The following ADH6 variants were observed in gnomAD, a reference collection of about 807,000 sequenced individuals.
ADH6 encodes alcohol dehydrogenase 6.
Under a neutral mutation model 36.5 loss-of-function variants are expected in ADH6, and 34 were observed. That is an observed-to-expected ratio of 0.93 (90% CI 0.71 to 1.24). The LOEUF (loss-of-function observed/expected upper bound fraction) is 1.24, where lower values mean the gene tolerates loss of function less well. ADH6 is among the 50% of genes most tolerant of loss of function. The probability of loss-of-function intolerance (pLI) is 0.00; values close to 1 mark genes in which losing one functional copy is unlikely to be tolerated. For missense variants in ADH6, 440 were observed against 447.0 expected (o/e 0.98, Z 0.14); for synonymous variants, 161 against 155.5 (o/e 1.04, Z -0.26).
chr4:99,206,660 C>A (rs534576810), intron 7 of ADH6, among the ~76,000 whole-genome samples: 46 of 151,790 alleles, frequency 3.0e-4, no homozygotes, highest in African/African-American at 1.1e-3. Flanking sequence ...GCTGCCATAG[C>A]TTACTTGGGG....
intron 1 of ADH6, among the ~76,000 whole-genome samples, chr4:99,218,804 C>G (rs1477835801): frequency 6.6e-6 from 1 of 152,168 alleles, no homozygotes; most frequent in Non-Finnish European, 1.5e-5. Context: ...GGCTCCCATT[C>G]TCTTTCTACT....
In ADH6 at chr4:99,203,910, G is replaced by A; in HGVS notation, c.*309C>T. The A allele has an allele frequency of 3.1e-6, 1 of 323,466 alleles. No individual in the cohort carries two copies. The highest frequency in any genetic ancestry group is 6.9e-5 in the South Asian group (1 of 14,426). The allele number at this position is 323,466 out of a possible 1,614,324, so 20.0% of individuals were successfully genotyped here. On this transcript the variant is annotated 3_prime_UTR_variant, in exon 9 of 9. Coordinates refer to ENST00000394899, the MANE Select transcript of ADH6 (RefSeq NM_001102470.2). ...ACAAGAATATAAAGGTCCACAGGTA[G>A]AGGAACTATGAAAATGGGAGCATCT...
chr4:99,207,604 A>C, intron 6 of ADH6, 23 bp from the exon 7 acceptor site: 4 of 1,608,448 alleles, frequency 2.5e-6, no homozygotes, highest in Non-Finnish European at 3.4e-6. Flanking sequence ...GATGCAATAC[A>C]GTATAGGGGT....
At chr4:99,211,814 C>G (rs113978666) in intron 3 of ADH6, among the ~76,000 whole-genome samples, 56 of 152,166 alleles carry the variant, frequency 3.7e-4, no homozygotes, top group African/African-American at 1.2e-3. Context: ...GAAGGTGCCA[C>G]AGAAGAAGAA....
chr4:99,207,318 T>C, intron 7 of ADH6, 128 bp downstream of exon 7: 2 of 1,261,948 alleles, frequency 1.6e-6, no homozygotes, highest in Non-Finnish European at 2.2e-6. Flanking sequence ...GGTATTCATA[T>C]GTTGAAAAAA....
rs532155886 is a variant in ADH6 at position 99,208,866 on chromosome 4, C to T, written c.630G>A (p.Met210Ile). 145 of 1,613,742 alleles carry T rather than the reference C, an allele frequency of 9.0e-5. 2 individuals are homozygous for T. In the South Asian group the frequency reaches 1.5e-3, roughly 16 times the overall value. ...TGGCTGCTCCTGCTGCTTTACAACC[C>T]ATGACAACAGACAAGCCGACTCCTC... is the stretch of plus-strand genomic sequence containing the variant. Reference protein sequence around the residue: ...GLGGVGLSVVMGCKAAGAARI... With the variant: ...GLGGVGLSVVIGCKAAGAARI... Residue 210 changes from methionine to isoleucine, a missense_variant, in exon 6 of 9, where the codon ATG becomes ATA. Coordinates refer to ENST00000394899, the MANE Select transcript of ADH6 (RefSeq NM_001102470.2).
At chr4:99,217,181 GCCCA>G (rs1731468001) in intron 1 of ADH6, among the ~76,000 whole-genome samples, 1 of 151,944 alleles carries the variant, frequency 6.6e-6, no homozygotes, top group Admixed American at 6.6e-5. Flanking sequence ...GACTACAGGC[GCCCA>G]CCACCACGCC....
chr4:99,210,234 A>G lies in ADH6; in HGVS notation c.415T>C (p.Tyr139His). The change falls in exon 5 of 9, where the codon TAT (tyrosine) becomes CAT (histidine). Residue 139 changes from tyrosine to histidine, a missense_variant. Transcript: ENST00000394899. ...SRFTCKGKSIYHFGNTSTFCE... is the reference protein window; with the variant it reads ...SRFTCKGKSIHHFGNTSTFCE... ...AAGGTGCTGGTATTACCAAAGTGAT[A>G]TATTGATTTTCCCTTGCAGGTAAAC... The G allele has an allele frequency of 6.2e-7, 1 of 1,613,800 alleles. No homozygotes were observed. The highest frequency in any genetic ancestry group is 8.5e-7 in the Non-Finnish European group (1 of 1,179,870).
chr4:99,208,052 A>T (rs561069415), intron 6 of ADH6, among the ~76,000 whole-genome samples: 8 of 152,242 alleles, frequency 5.3e-5, no homozygotes, highest in African/African-American at 1.9e-4. Flanking sequence ...GTTTCTTCTT[A>T]CAGATAAAGG....
chr4:99,211,990 T>C (rs374160784), intron 3 of ADH6, among the ~76,000 whole-genome samples: 1 of 152,076 alleles, frequency 6.6e-6, no homozygotes, highest in African/African-American at 2.4e-5. Context: ...ATTTTGACCT[T>C]GAAACGTGAG....
Position 99,204,012 on chromosome 4 carries a change from C to G in ADH6, c.*207G>C. 1.8e-6 allele frequency: 1 copy of G among 545,932 alleles called. No individual in the cohort carries two copies. The highest frequency in any genetic ancestry group is 3.3e-5 in the East Asian group (1 of 30,440). 33.8% of individuals were successfully genotyped at this position (545,932 alleles called of 1,614,324 possible). A position where few individuals can be genotyped will look rare whatever the true frequency, so the allele number is the denominator to read the frequency against. On this transcript the variant is annotated 3_prime_UTR_variant, in exon 9 of 9. Transcript: ENST00000394899. ...CCTTAATCTAGCTCTGAAAAGGAGG[C>G]TGATCCTTGGTGACACTGGGTTACG...
At chr4:99,217,751 C>T (rs1481520056) in intron 1 of ADH6, among the ~76,000 whole-genome samples, 1 of 152,088 alleles carries the variant, frequency 6.6e-6, no homozygotes, top group Non-Finnish European at 1.5e-5. Flanking sequence ...TTGCAGGTGT[C>T]ATACTTTTTA....
rs200229133 is a variant in ADH6 at position 99,204,238 on chromosome 4, C to T, written c.1109G>A (p.Arg370His). Residue 370 changes from arginine (R) to histidine (H), a missense_variant, in exon 9 of 9, where the codon CGC becomes CAC. By Grantham distance (29) the Arg-to-His change is conservative (BLOSUM62 0). Transcript: ENST00000394899. ...TTGTACTTAAAGTAACAGGATACAG[C>T]GGATACTGAAAAAAAGAAGAAGAGA... ...VELMKTGKCI[R>H]CILLL The T allele has an allele frequency of 6.5e-5, 104 of 1,599,338 alleles. 1 individual carries two copies. The highest frequency in any genetic ancestry group is 2.0e-4 in the South Asian group (18 of 89,836).
chr4:99,217,084 G>T (rs1320934483), intron 1 of ADH6, among the ~76,000 whole-genome samples: 1 of 152,096 alleles, frequency 6.6e-6, no homozygotes, highest in Non-Finnish European at 1.5e-5. Context: ...TGCCCAGGCT[G>T]GAGTGCAGTA....
Position 99,219,225 on chromosome 4 carries a change from C to T in ADH6, c.-73G>A, listed in dbSNP as rs1407920897. ...GTAGCAACTTTCACTGTAGAAAGTACAAAGGTACACAGGCGACTGGTAGAT... is the reference window on the plus strand; with the variant it reads ...GTAGCAACTTTCACTGTAGAAAGTATAAAGGTACACAGGCGACTGGTAGAT... On this transcript the variant is annotated 5_prime_UTR_variant, in exon 1 of 9. Transcript: ENST00000394899. 2.9e-6 allele frequency: 4 copies of T among 1,377,826 alleles called. No individual in the cohort carries two copies. The highest frequency in any genetic ancestry group is 1.4e-5 in the African/African-American group (1 of 69,868). The allele number at this position is 1,377,826 out of a possible 1,614,324, so 85.4% of individuals were successfully genotyped here. A position where few individuals can be genotyped will look rare whatever the true frequency, so the allele number is the denominator to read the frequency against.
At position 99,213,731 on chromosome 4, in the gene ADH6, A is replaced by G. The variant is rs138253175; in HGVS notation, c.137T>C (p.Leu46Pro). The G allele has an allele frequency of 2.8e-5, 45 of 1,608,582 alleles. No homozygotes were observed. The African/African-American group carries it at 5.9e-4, about 21-fold the overall frequency. Residue 46 changes from leucine (L) to proline (P), a missense_variant, in exon 3 of 9, where the codon CTG becomes CCG. Leu to Pro is a moderately conservative substitution (Grantham distance 98). Transcript: ENST00000394899. ...CAACACTTTCATCTCTGTACCACAC[A>G]GTCCGGTGGCCACAACCTGTATGGA... ...EVRIKVVATG[L>P]CGTEMKVLGS...
chr4:99,209,150 A>G (rs1277982511), intron 5 of ADH6, among the ~76,000 whole-genome samples: 1 of 152,204 alleles, frequency 6.6e-6, no homozygotes, highest in Non-Finnish European at 1.5e-5. Flanking sequence ...GCCTGAAAGT[A>G]GAGTTTCAAG....
At chr4:99,210,867 A>G (rs531795867) in intron 3 of ADH6, among the ~76,000 whole-genome samples, 4 of 152,302 alleles carry the variant, frequency 2.6e-5, no homozygotes, top group Admixed American at 2.6e-4. Context: ...AATTTAAAAT[A>G]GTATGGATAC....
Position 99,216,353 on chromosome 4 carries a change from T to G in ADH6, c.19-91A>C, listed in dbSNP as rs547103646. 2.1e-4 allele frequency: 150 copies of G among 716,420 alleles called. 2 individuals are homozygous for G. The South Asian group carries it at 5.0e-3, about 24-fold the overall frequency. The allele number at this position is 716,420 out of a possible 1,614,324, so 44.4% of individuals were successfully genotyped here. ...ATTAGTGATTATAGAATCATTAAAT[T>G]GGATTAGTCCAACTTTCCGCACTGC... On this transcript the variant is annotated intron_variant, in intron 1 of 8. Transcript: ENST00000394899.
Sources: allele counts gnomAD v4.1 joint callset (sites outside exome capture counted in the v4.1 genomes callset), GRCh38; gene constraint gnomAD v4.1.1; transcripts MANE v1.5; gene names NCBI Gene and HGNC (gene_info 2026-07-23, HGNC 2026-07-21).